The following DPYD variants were observed in gnomAD, a reference collection of about 807,000 sequenced individuals.
DPYD encodes the protein dihydropyrimidine dehydrogenase, also known as dihydropyrimidine dehydrogenase [NADP(+)].
Under a neutral mutation model 116.2 loss-of-function variants are expected in DPYD, and 109 were observed. That is an observed-to-expected ratio of 0.94 (90% CI 0.80 to 1.10). The LOEUF (loss-of-function observed/expected upper bound fraction) is 1.10. Ranked by LOEUF, DPYD falls within the 50% of genes least tolerant of loss-of-function variation. The pLI, the probability that DPYD is intolerant of heterozygous loss-of-function variation, is 0.00. For missense variants in DPYD, 1,302 were observed against 1,254.5 expected, an observed-to-expected ratio of 1.04 and a Z score of -0.57; for synonymous variants, 440 against 432.0, an observed-to-expected ratio of 1.02 and a Z score of -0.23.
chr1:97,557,606 G>A (rs1017554761), intron 11 of DPYD, among the ~76,000 whole-genome samples: 10 of 152,056 alleles, frequency 6.6e-5, no homozygotes, highest in African/African-American at 1.4e-4. Context: ...ATGAGCCATC[G>A]CATCTGGTCC....
intron 16 of DPYD, among the ~76,000 whole-genome samples, chr1:97,339,068 G>GT (rs1669454909): frequency 1.3e-5 from 2 of 150,796 alleles, no homozygotes; most frequent in Non-Finnish European, 3.0e-5. Flanking sequence ...AAGAGAGGAG[G>GT]TAAAAAAAAA....
intron 8 of DPYD, among the ~76,000 whole-genome samples, chr1:97,634,787 T>C (rs924227114): frequency 1.3e-5 from 2 of 151,844 alleles, no homozygotes; most frequent in Non-Finnish European, 2.9e-5. Context: ...GCAAGGCATA[T>C]AGAATAGCAT....
intron 8 of DPYD, among the ~76,000 whole-genome samples, chr1:97,676,483 T>C (rs546660792): frequency 2.0e-5 from 3 of 152,330 alleles, no homozygotes; most frequent in South Asian, 4.1e-4. Flanking sequence ...ATGGCTTACA[T>C]TGTTACATGA....
intron 16 of DPYD, among the ~76,000 whole-genome samples, chr1:97,343,668 GT>G (rs1263247688): frequency 7.2e-5 from 11 of 152,088 alleles, no homozygotes; most frequent in African/African-American, 2.6e-4. Flanking sequence ...GGGTAGAAAG[GT>G]TTGATTAGGT....
At chr1:97,344,549 C>T (rs751789483) in intron 16 of DPYD, among the ~76,000 whole-genome samples, 1 of 151,484 alleles carries the variant, frequency 6.6e-6, no homozygotes, top group East Asian at 1.9e-4. Context: ...GTTATTTTAA[C>T]ATTCAATTTT....
chr1:97,227,423 A>G lies in DPYD; in HGVS notation c.2442+7429T>C, dbSNP rs573318266. Among the ~76,000 whole-genome samples the G allele has an allele frequency of 2.6e-5, 4 of 151,888 alleles. No homozygotes were observed. The East Asian group carries it at 7.7e-4, about 29-fold the overall frequency. On this transcript the variant is annotated intron_variant, in intron 19 of 22. Coordinates refer to ENST00000370192, the MANE Select transcript of DPYD (RefSeq NM_000110.4). ...CAATAAAATGTAATCTGAAACCCTAAGAGACATTTCAGTTTATCAACTGTG... is the reference window on the plus strand; with the variant it reads ...CAATAAAATGTAATCTGAAACCCTAGGAGACATTTCAGTTTATCAACTGTG...
intron 8 of DPYD, among the ~76,000 whole-genome samples, chr1:97,620,760 C>A (rs1656585719): frequency 6.6e-6 from 1 of 152,086 alleles, no homozygotes; most frequent in Admixed American, 6.6e-5. Context: ...ATCTTCTTAG[C>A]CTTCCTTCAT....
chr1:97,809,011 G>T (rs993262071), intron 3 of DPYD, among the ~76,000 whole-genome samples: 1 of 152,118 alleles, frequency 6.6e-6, no homozygotes, highest in South Asian at 2.1e-4. Context: ...AAATATGAGA[G>T]ATAAATTGAG....
chr1:97,493,601 C>T (rs955892176), intron 13 of DPYD, among the ~76,000 whole-genome samples: 1 of 151,918 alleles, frequency 6.6e-6, no homozygotes, highest in Non-Finnish European at 1.5e-5. Context: ...GGATGTAAAA[C>T]ATCTTACTGG....
At chr1:97,190,035 A>T (rs907026077) in intron 20 of DPYD, among the ~76,000 whole-genome samples, 1 of 152,168 alleles carries the variant, frequency 6.6e-6, no homozygotes, top group Non-Finnish European at 1.5e-5. Flanking sequence ...TTTTATAAAA[A>T]GGTTTACAGA....
rs1319678775 is a variant in DPYD at position 97,530,212 on chromosome 1, T to TC, written c.1525-14272_1525-14271insG. Among the ~76,000 whole-genome samples the TC allele has an allele frequency of 3.0e-3, 190 of 63,046 alleles. 1 individual carries two copies. The highest frequency in any genetic ancestry group is 0.014 in the African/African-American group (181 of 12,590). The allele number at this position is 63,046 out of a possible 152,430, so 41.4% of individuals were successfully genotyped here. ...TGTATACATCAGAATTTCTTTTTTT[T>TC]TCTTTTTTTTTTTTTTTTTTTTTGA... On this transcript the variant is annotated intron_variant, in intron 12 of 22. Coordinates refer to ENST00000370192, the MANE Select transcript of DPYD (RefSeq NM_000110.4).
At chr1:97,550,619 G>A (rs1248946105) in intron 11 of DPYD, among the ~76,000 whole-genome samples, 7 of 152,156 alleles carry the variant, frequency 4.6e-5, no homozygotes. Context: ...GAGTAAGCCA[G>A]TGTTTAGGAT....
chr1:97,419,662 A>G (rs1674475854), intron 14 of DPYD, among the ~76,000 whole-genome samples: 1 of 152,182 alleles, frequency 6.6e-6, no homozygotes, highest in African/African-American at 2.4e-5. Flanking sequence ...CTTTATAAAA[A>G]TATATTTTTT....
intron 2 of DPYD, among the ~76,000 whole-genome samples, chr1:97,851,723 A>C (rs964372580): frequency 6.9e-6 from 1 of 145,926 alleles, no homozygotes; most frequent in Admixed American, 6.9e-5. Flanking sequence ...AAAAAAAAAA[A>C]GAAACTGGGC....
chr1:97,096,771 T>A (rs186109878), intron 21 of DPYD, among the ~76,000 whole-genome samples: 1 of 152,078 alleles, frequency 6.6e-6, no homozygotes, highest in East Asian at 1.9e-4. Context: ...AATAAGGGAA[T>A]AAAAGCTGGC....
chr1:97,595,148 T>G lies in DPYD; in HGVS notation c.869A>C (p.Lys290Thr). The G allele has an allele frequency of 6.2e-7, 1 of 1,613,596 alleles. No homozygotes were observed. The highest frequency in any genetic ancestry group is 8.5e-7 in the Non-Finnish European group (1 of 1,179,580). The change falls in exon 9 of 23, where the codon AAA becomes ACA. Residue 290 changes from lysine to threonine, a missense_variant. By Grantham distance (78) the Lys-to-Thr change is moderately conservative. Coordinates refer to ENST00000370192, the MANE Select transcript of DPYD (RefSeq NM_000110.4). ...FIGIGLPEPN[K>T]DAIFQGLTQD... ...CGTCAGGCCTTGGAAGATGGCATCT[T>G]TATTGGGTTCTGGCAAACCTAAGTA... is the stretch of plus-strand genomic sequence containing the variant.
chr1:97,725,463 T>C lies in DPYD; in HGVS notation c.322-3792A>G, dbSNP rs180945682. Among the ~76,000 whole-genome samples the C allele has an allele frequency of 3.2e-3, 484 of 151,582 alleles. 1 individual carries two copies. Among genetic ancestry groups the C allele is most frequent in the African/African-American group, 0.011 (465 of 41,464 alleles). On this transcript the variant is annotated intron_variant, in intron 4 of 22. Coordinates refer to ENST00000370192, the MANE Select transcript of DPYD (RefSeq NM_000110.4). ...ATTGACAAGCTGATCCTAAAATTCATAGGAAAATCCAGAGGATCCAGAATA... is the reference window on the plus strand; with the variant it reads ...ATTGACAAGCTGATCCTAAAATTCACAGGAAAATCCAGAGGATCCAGAATA...
chr1:97,858,211 G>T (rs1203399570), intron 2 of DPYD, among the ~76,000 whole-genome samples: 2 of 152,028 alleles, frequency 1.3e-5, no homozygotes, highest in Non-Finnish European at 2.9e-5. Context: ...ACTGGAATCT[G>T]TAAGATAATA....
At chr1:97,366,596 C>T (rs1671054933) in intron 16 of DPYD, among the ~76,000 whole-genome samples, 1 of 152,140 alleles carries the variant, frequency 6.6e-6, no homozygotes, top group African/African-American at 2.4e-5. Flanking sequence ...AACTCTCTAG[C>T]CCAAACCTAC....
Sources: allele counts gnomAD v4.1 joint callset (sites outside exome capture counted in the v4.1 genomes callset), GRCh38; gene constraint gnomAD v4.1.1; transcripts MANE v1.5; gene names NCBI Gene and HGNC (gene_info 2026-07-23, HGNC 2026-07-21).